Variants in AMZ1 observed in about 807,000 individuals in gnomAD.
AMZ1 encodes archaelysin family metallopeptidase 1, also known as archaemetzincin-1.
In AMZ1, 39 loss-of-function variants were observed where a neutral mutation model predicts 29.9. That is an observed-to-expected ratio of 1.30 (90% CI 1.01 to 1.70). The LOEUF is 1.70. Among genes scored for constraint, AMZ1 ranks in the 40% most tolerant of loss-of-function variants. The pLI, the probability that AMZ1 is intolerant of heterozygous loss-of-function variation, is 0.00. For synonymous variants in AMZ1, 458 were observed against 304.0 expected, an observed-to-expected ratio of 1.51 and a Z score of -5.27; for missense variants, 1,041 against 680.6, an observed-to-expected ratio of 1.53 and a Z score of -5.89.
intron 1 of AMZ1, among the ~76,000 whole-genome samples, chr7:2,696,787 A>G (rs1343195933): frequency 3.3e-5 from 5 of 151,864 alleles, no homozygotes; most frequent in Non-Finnish European, 4.4e-5. Flanking sequence ...TTGGGAGGCT[A>G]AGGCAGGAGA....
intron 4 of AMZ1, among the ~76,000 whole-genome samples, chr7:2,741,694 TAC>T (rs960219486): frequency 4.6e-5 from 7 of 152,146 alleles, no homozygotes; most frequent in Admixed American, 1.3e-4. Context: ...TCTCTTTCAA[TAC>T]ACAGACTTTT....
downstream of AMZ1, among the ~76,000 whole-genome samples, chr7:2,720,860 T>G (rs560665508): frequency 2.0e-3 from 306 of 152,134 alleles, 2 homozygotes; most frequent in African/African-American, 6.8e-3. Flanking sequence ...TTGTTTTTGG[T>G]AGAGACAGGG....
chr7:2,740,897 T>C (rs1790464761), intron 4 of AMZ1, among the ~76,000 whole-genome samples: 1 of 151,978 alleles, frequency 6.6e-6, no homozygotes. Flanking sequence ...ACAAAAAAAT[T>C]AGTCGGGCGT....
downstream of AMZ1, among the ~76,000 whole-genome samples, chr7:2,722,274 A>AT (rs57939882): frequency 0.039 from 5,658 of 145,390 alleles, 165 homozygotes; most frequent in African/African-American, 0.078. Flanking sequence ...GGCATTTCGA[A>AT]TTTTTTTTTT....
chr7:2,757,667 G>A (rs2115385131), intron 4 of AMZ1, among the ~76,000 whole-genome samples: 1 of 152,284 alleles, frequency 6.6e-6, no homozygotes, highest in South Asian at 2.1e-4. Context: ...GTTTTAAGTT[G>A]CTAATTGGTG....
intron 3 of AMZ1, among the ~76,000 whole-genome samples, chr7:2,704,893 G>A (rs1334497963): frequency 6.6e-6 from 1 of 152,060 alleles, no homozygotes; most frequent in Non-Finnish European, 1.5e-5. Context: ...ACTGCGCCCG[G>A]CCCAGTGTCA....
chr7:2,764,329 C>T (rs1006300010), upstream of AMZ1, among the ~76,000 whole-genome samples: 1 of 151,860 alleles, frequency 6.6e-6, no homozygotes, highest in Non-Finnish European at 1.5e-5. Flanking sequence ...GTGATCCTCC[C>T]ATCTCAGCCT....
chr7:2,726,614 C>G (rs935513381), intron 4 of AMZ1, among the ~76,000 whole-genome samples: 9 of 152,342 alleles, frequency 5.9e-5, no homozygotes, highest in South Asian at 2.1e-4. Context: ...AGGTGTTTTT[C>G]TGGCGCACTC....
chr7:2,700,220 C>T lies in AMZ1; in HGVS notation c.-218-14C>T, dbSNP rs538800549. 5.2e-4 allele frequency: 300 copies of T among 579,196 alleles called. 1 individual carries two copies. Among genetic ancestry groups the T allele is most frequent in the African/African-American group, 4.5e-3 (241 of 53,596 alleles). 35.9% of individuals were successfully genotyped at this position (579,196 alleles called of 1,614,324 possible). A position where few individuals can be genotyped will look rare whatever the true frequency, so the allele number is the denominator to read the frequency against. On this transcript the variant is annotated splice_polypyrimidine_tract_variant and intron_variant, in intron 1 of 6. Coordinates refer to ENST00000683327, the MANE Select transcript of AMZ1 (RefSeq NM_001384743.1). ...GCTCGGCAGTGAGGGGACCCCTGTT[C>T]GTGTCATCCACAGGGTGCTGTGGGC... is the stretch of plus-strand genomic sequence containing the variant.
chr7:2,682,283 G>A lies in AMZ1; in HGVS notation c.-219+2612G>A, dbSNP rs574363080. Among the ~76,000 whole-genome samples the A allele has an allele frequency of 5.1e-5, 7 of 137,776 alleles. No homozygotes were observed. In the South Asian group the frequency reaches 1.9e-3, roughly 38 times the overall value. The allele number at this position is 137,776 out of a possible 152,430, so 90.4% of individuals were successfully genotyped here. ...CTGAGAGGGTCCCCAGCTACCCCAG[G>A]ACAGGGTGGGGGGTGGGAACTGCAG... On this transcript the variant is annotated intron_variant, in intron 1 of 6. Transcript: ENST00000312371.
intron 4 of AMZ1, among the ~76,000 whole-genome samples, chr7:2,742,211 A>G (rs1420706363): frequency 6.6e-6 from 1 of 151,814 alleles, no homozygotes; most frequent in East Asian, 1.9e-4. Flanking sequence ...TACTACAGAC[A>G]GGGTTTTGCC....
At chr7:2,757,743 A>G (rs560394186) in intron 4 of AMZ1, among the ~76,000 whole-genome samples, 2 of 152,352 alleles carry the variant, frequency 1.3e-5, no homozygotes, top group Admixed American at 6.5e-5. Context: ...CATGAAGCAT[A>G]AAGGAAAATG....
chr7:2,679,866 G>A lies in AMZ1; in HGVS notation c.-219+195G>A, dbSNP rs74839419. The stretch of plus-strand genomic sequence containing the variant: ...CCGGGAGAGGTGGCGAGGGGCCATA[G>A]CCCTGAAGGAGCTTCATCCTGGGGC... On this transcript the variant is annotated intron_variant, in intron 1 of 6. Coordinates refer to the AMZ1 transcript ENST00000312371. Among the ~76,000 whole-genome samples the A allele has an allele frequency of 1.9e-4, 29 of 152,346 alleles. No individual in the cohort carries two copies. The East Asian group carries it at 5.6e-3, about 29-fold the overall frequency.
chr7:2,712,103 T>G (rs576447097), intron 6 of AMZ1, among the ~76,000 whole-genome samples: 3 of 152,152 alleles, frequency 2.0e-5, no homozygotes, highest in Non-Finnish European at 2.9e-5. Context: ...GCTTGCGAAG[T>G]TCCTGAATGG....
rs777064363 is a variant in AMZ1 at position 2,718,869 on chromosome 7, C to G, written c.*5991C>G. On this transcript the variant is annotated 3_prime_UTR_variant, in exon 7 of 7. Transcript: ENST00000683327. ...GGGGAGTCACAGAAACCACGGGAAA[C>G]GGAGTGGGTTGGAAGAGGCAGAGAA... is the stretch of plus-strand genomic sequence containing the variant. 2.6e-5 allele frequency among the ~76,000 whole-genome samples: 4 copies of G among 152,118 alleles called. No homozygotes were observed. The highest frequency in any genetic ancestry group is 9.7e-5 in the African/African-American group (4 of 41,410).
intron 4 of AMZ1, among the ~76,000 whole-genome samples, chr7:2,741,878 G>C (rs965904342): frequency 6.7e-6 from 1 of 150,150 alleles, no homozygotes; most frequent in Non-Finnish European, 1.5e-5. Context: ...TAATTACCAC[G>C]TATTAGACAC....
In AMZ1 at chr7:2,719,247, C is replaced by G. The variant is rs566033495; in HGVS notation, c.*6369C>G. 6.6e-6 allele frequency among the ~76,000 whole-genome samples: 1 copy of G among 152,200 alleles called. No individual in the cohort carries two copies. Among genetic ancestry groups the G allele is most frequent in the Non-Finnish European group, 1.5e-5 (1 of 68,038 alleles). On this transcript the variant is annotated 3_prime_UTR_variant, in exon 7 of 7. Transcript: ENST00000683327. ...GTGTCTCTTTATTCCTGCCATCCTC[C>G]GGCCGCCTCTCCCGCCTGCACCACT...
chr7:2,679,725 C>G lies in AMZ1; in HGVS notation c.-219+54C>G, dbSNP rs147222282. ...CCGGGAGGGTTCTGGGAAGAGGCAGCTGTGGGGCCTGAAGCCTAAATGTGG... is the reference window on the plus strand; with the variant it reads ...CCGGGAGGGTTCTGGGAAGAGGCAGGTGTGGGGCCTGAAGCCTAAATGTGG... On this transcript the variant is annotated intron_variant, in intron 1 of 6. Transcript: ENST00000312371. 5,252 of 152,504 alleles carry G rather than the reference C, an allele frequency of 0.034. 135 individuals carry two copies. The highest frequency in any genetic ancestry group is 0.077 in the African/African-American group (3,210 of 41,540). 9.4% of individuals were successfully genotyped at this position (152,504 alleles called of 1,614,324 possible). A position where few individuals can be genotyped will look rare whatever the true frequency, so the allele number is the denominator to read the frequency against.
intron 4 of AMZ1, chr7:2,730,928 G>A (rs565946656): frequency 6.4e-5 from 31 of 481,878 alleles, no homozygotes; most frequent in African/African-American, 4.4e-4. Flanking sequence ...TAGGTGTTCC[G>A]TATTCACAAC....
Sources: gnomAD v4.1 joint callset for allele counts (sites outside exome capture counted in the v4.1 genomes callset) on GRCh38, gnomAD v4.1.1 for gene constraint, MANE v1.5 for transcripts, NCBI Gene and HGNC (gene_info 2026-07-23, HGNC 2026-07-21) for gene names.